Variants in DOCK8 observed in about 807,000 individuals in gnomAD.
The protein encoded by DOCK8 is dedicator of cytokinesis protein 8.
In DOCK8, 141 loss-of-function variants were observed where a neutral mutation model predicts 245.6. That is an observed-to-expected ratio of 0.57 (90% CI 0.50 to 0.66). The LOEUF (loss-of-function observed/expected upper bound fraction) is 0.66. Among genes scored for constraint, DOCK8 ranks in the 30% least tolerant of loss-of-function variants. The pLI is 0.00. For missense variants in DOCK8, 2,965 were observed against 2,603.4 expected (o/e 1.14, Z -3.02); for synonymous variants, 1,168 against 970.2 (o/e 1.20, Z -3.79).
In DOCK8 at chr9:389,835, C is replaced by T. The variant is rs539559301; in HGVS notation, c.2875-636C>T. On this transcript the variant is annotated intron_variant, in intron 23 of 47. Transcript: ENST00000432829. ...GTTTGAGACTAAGTGGGCAGCATGGCGAAACCCCATCTCTACCAAAAAAAA... is the reference window on the plus strand; with the variant it reads ...GTTTGAGACTAAGTGGGCAGCATGGTGAAACCCCATCTCTACCAAAAAAAA... Among the ~76,000 whole-genome samples, 6 of 151,460 alleles carry T rather than the reference C, an allele frequency of 4.0e-5. No individual in the cohort carries two copies. In the South Asian group the frequency reaches 1.3e-3, roughly 32 times the overall value.
At chr9:398,005 G>A (rs370955434) in intron 25 of DOCK8, among the ~76,000 whole-genome samples, 13 of 152,306 alleles carry the variant, frequency 8.5e-5, no homozygotes, top group African/African-American at 3.1e-4. Context: ...AAAATCTTAG[G>A]AAGCAATGTT....
intron 19 of DOCK8, 110 bp downstream of exon 19, chr9:376,415 TA>T: frequency 1.2e-6 from 1 of 855,170 alleles, no homozygotes; most frequent in Non-Finnish European, 2.0e-6. Context: ...AAATAAAAAA[TA>T]ACCCTTTAGT....
At chr9:303,479 G>T (rs10757842) in intron 4 of DOCK8, among the ~76,000 whole-genome samples, 83,179 of 151,918 alleles carry the variant, frequency 0.55, 23,097 homozygotes, top group East Asian at 0.76. Context: ...AATCATGGGG[G>T]TTTTTTTGCA....
intron 39 of DOCK8, among the ~76,000 whole-genome samples, chr9:436,339 A>C (rs967838147): frequency 6.6e-6 from 1 of 152,258 alleles, no homozygotes; most frequent in Non-Finnish European, 1.5e-5. Context: ...ATCACATAGA[A>C]GTGTACAAGA....
intron 9 of DOCK8, among the ~76,000 whole-genome samples, chr9:329,929 CTGG>C (rs2050932816): frequency 6.6e-6 from 1 of 152,360 alleles, no homozygotes; most frequent in African/African-American, 2.4e-5. Flanking sequence ...AAGACAGCCC[CTGG>C]TTGGCTTTCT....
At chr9:252,131 G>A (rs565323561) in intron 1 of DOCK8, among the ~76,000 whole-genome samples, 1 of 151,984 alleles carries the variant, frequency 6.6e-6, no homozygotes, top group African/African-American at 2.4e-5. Flanking sequence ...ATGCCACCAT[G>A]CCCGGCTAAT....
intron 46 of DOCK8, chr9:454,655 G>T (rs996840793): frequency 6.6e-6 from 1 of 152,156 alleles, no homozygotes; most frequent in Non-Finnish European, 1.5e-5. Context: ...AGTAAATGAG[G>T]CTCTGAATAC....
intron 2 of DOCK8, among the ~76,000 whole-genome samples, chr9:274,391 T>C (rs2129998348): frequency 6.6e-6 from 1 of 152,216 alleles, no homozygotes; most frequent in East Asian, 1.9e-4. Context: ...ATCTCTTGAC[T>C]TCAACTTCAG....
At chr9:300,848 G>A (rs937301431) in intron 4 of DOCK8, among the ~76,000 whole-genome samples, 1 of 152,092 alleles carries the variant, frequency 6.6e-6, no homozygotes, top group African/African-American at 2.4e-5. Flanking sequence ...AATTGAATCA[G>A]TAATACAAAA....
intron 46 of DOCK8, among the ~76,000 whole-genome samples, chr9:463,109 G>A (rs2057856953): frequency 1.3e-5 from 2 of 151,986 alleles, no homozygotes; most frequent in African/African-American, 4.8e-5. Context: ...AGACATTTCT[G>A]GGCCAGAAGC....
At chr9:282,235 C>T (rs546367174) in intron 2 of DOCK8, among the ~76,000 whole-genome samples, 1 of 152,222 alleles carries the variant, frequency 6.6e-6, no homozygotes, top group Non-Finnish European at 1.5e-5. Flanking sequence ...AACTCAGGAG[C>T]TCAGTATGCC....
intron 1 of DOCK8, chr9:215,431 G>A (rs149829536): frequency 2.0e-6 from 3 of 1,508,190 alleles, no homozygotes; most frequent in East Asian, 5.2e-5. Context: ...GTCTGAGCGC[G>A]GGGGGAAGAA....
At chr9:391,060 A>G (rs550143274) in intron 24 of DOCK8, among the ~76,000 whole-genome samples, 1 of 152,214 alleles carries the variant, frequency 6.6e-6, no homozygotes, top group East Asian at 1.9e-4. Context: ...TTCCCCCATC[A>G]TTCAGCCACA....
At chr9:221,637 C>A (rs1000554776) in intron 1 of DOCK8, among the ~76,000 whole-genome samples, 2 of 150,520 alleles carry the variant, frequency 1.3e-5, no homozygotes, top group South Asian at 2.1e-4. Context: ...CATGGTGAAA[C>A]CCCATCTCTA....
intron 1 of DOCK8, among the ~76,000 whole-genome samples, chr9:262,150 CA>C (rs949823378): frequency 1.3e-5 from 2 of 152,026 alleles, no homozygotes; most frequent in African/African-American, 4.8e-5. Context: ...CATCATTAGT[CA>C]TTAGGGAAAT....
At chr9:340,739 G>C (rs1372131670) in intron 14 of DOCK8, 1 of 187,694 alleles carries the variant, frequency 5.3e-6, no homozygotes, top group Non-Finnish European at 1.1e-5. Context: ...CTAAGTTTCA[G>C]GGAAATGAAA....
At chr9:217,520 T>C (rs2046785657) in intron 1 of DOCK8, among the ~76,000 whole-genome samples, 1 of 152,246 alleles carries the variant, frequency 6.6e-6, no homozygotes, top group Admixed American at 6.5e-5. Context: ...TAAAAGGTTC[T>C]ATAATCCTCA....
chr9:344,025 A>G (rs2051742928), intron 14 of DOCK8, among the ~76,000 whole-genome samples: 1 of 152,242 alleles, frequency 6.6e-6, no homozygotes, highest in Non-Finnish European at 1.5e-5. Flanking sequence ...GTCTGGACGG[A>G]TTACAATGGA....
intron 1 of DOCK8, among the ~76,000 whole-genome samples, chr9:263,670 T>G (rs1356098707): frequency 5.3e-5 from 8 of 152,242 alleles, no homozygotes; most frequent in African/African-American, 1.7e-4. Flanking sequence ...TTTTTGTTTA[T>G]CTGGTAAAAT....
Sources: gnomAD v4.1 joint callset for allele counts (sites outside exome capture counted in the v4.1 genomes callset) on GRCh38, gnomAD v4.1.1 for gene constraint, MANE v1.5 for transcripts, NCBI Gene and HGNC (gene_info 2026-07-23, HGNC 2026-07-21) for gene names.